Variants in LIPC observed in about 807,000 individuals in gnomAD.
LIPC encodes the protein hepatic triacylglycerol lipase.
In LIPC, 44 loss-of-function variants were observed where a neutral mutation model predicts 50.7. The observed-to-expected ratio is 0.87, with a 90% CI of 0.68 to 1.11. The LOEUF (loss-of-function observed/expected upper bound fraction) is 1.11. Among genes scored for constraint, LIPC ranks in the 50% most tolerant of loss-of-function variants. The probability of loss-of-function intolerance (pLI) is 0.00; values close to 1 mark genes in which losing one functional copy is unlikely to be tolerated. For missense variants in LIPC, 697 were observed against 648.2 expected (o/e 1.08, Z -0.82); for synonymous variants, 271 against 256.4 (o/e 1.06, Z -0.54).
Position 58,432,129 on chromosome 15 carries a change from C to G in LIPC, c.88+9C>G. On this transcript the variant is annotated intron_variant, in intron 1 of 8. Transcript: ENST00000299022. ...ACAAAGCCTGAAACCAGGTAAGAGC[C>G]TGACTTTTCTCCAGAGATGGGCATG... 6.3e-7 allele frequency: 1 copy of G among 1,596,600 alleles called. No homozygotes were observed. The highest frequency in any genetic ancestry group is 8.6e-7 in the Non-Finnish European group (1 of 1,164,142).
chr15:58,434,769 C>CGCTGCTCCAAAGAGAAGCT (rs71116564), intron 1 of LIPC: 2 of 151,832 alleles, frequency 1.3e-5, no homozygotes, highest in Non-Finnish European at 2.9e-5. Context: ...TGAGAGCCAA[C>CGCTGCTCCAAAGAGAAGCT]GCTGCTCCTA....
intron 8 of LIPC, chr15:58,566,080 T>C (rs1390008638): frequency 1.0e-6 from 1 of 977,146 alleles, no homozygotes; most frequent in African/African-American, 1.8e-5. Flanking sequence ...AAATGCAGGT[T>C]CTGCTTTAGT....
At position 58,563,714 on chromosome 15, in the gene LIPC, C is replaced by A. The variant is rs746618309; in HGVS notation, c.1379C>A (p.Thr460Asn). 1 of 1,612,810 alleles carries A rather than the reference C, an allele frequency of 6.2e-7. No individual in the cohort carries two copies. The highest frequency in any genetic ancestry group is 8.5e-7 in the Non-Finnish European group (1 of 1,179,878). Residue 460 changes from threonine (T) to asparagine (N), a missense_variant, in exon 8 of 9, where the codon ACC (threonine) becomes AAC (asparagine). Physicochemically the swap from Thr to Asn is moderately conservative, Grantham distance 65. Transcript: ENST00000299022. ...ACGATCAGAGTCAAAGCAGGAGAAA[C>A]CCAGCAAAGGTGACTGCTGATTCAA... is the stretch of plus-strand genomic sequence containing the variant. ...LKTIRVKAGE[T>N]QQRMTFCSEN...
chr15:58,535,363 T>A (rs1264025343), intron 1 of LIPC, among the ~76,000 whole-genome samples: 1 of 152,212 alleles, frequency 6.6e-6, no homozygotes, highest in Non-Finnish European at 1.5e-5. Flanking sequence ...AATGAGCACA[T>A]ACCTGTATAC....
rs1221726625 is a variant in LIPC, at chr15:58,563,645, T to A, written c.1310T>A (p.Ile437Asn). ...ANVWDTVQTI[I>N]PWSTGPRHSG... is the part of the protein sequence containing the mutation. ...GTCTGGGACACGGTCCAGACCATCA[T>A]CCCATGGAGCACAGGGCCGCGCCAC... Residue 437 changes from isoleucine to asparagine, a missense_variant, in exon 8 of 9, where the codon ATC (isoleucine) becomes AAC (asparagine). Physicochemically the swap from Ile to Asn is moderately radical, Grantham distance 149. Coordinates refer to ENST00000299022, the MANE Select transcript of LIPC (RefSeq NM_000236.3). The A allele has an allele frequency of 6.2e-7, 1 of 1,614,048 alleles. No homozygotes were observed. The highest frequency in any genetic ancestry group is 8.5e-7 in the Non-Finnish European group (1 of 1,180,044).
At chr15:58,450,519 T>C (rs1893862788) in intron 1 of LIPC, among the ~76,000 whole-genome samples, 1 of 152,232 alleles carries the variant, frequency 6.6e-6, no homozygotes, top group Non-Finnish European at 1.5e-5. Flanking sequence ...AGGAGAATTT[T>C]ATTAAGTTTC....
At chr15:58,566,026 T>C in intron 8 of LIPC, 1 of 985,110 alleles carries the variant, frequency 1.0e-6, no homozygotes, top group Non-Finnish European at 1.2e-6. Context: ...TCCCAGGGCT[T>C]CTCAAACTTT....
chr15:58,448,204 C>T (rs1186874247), intron 1 of LIPC, among the ~76,000 whole-genome samples: 3 of 152,208 alleles, frequency 2.0e-5, no homozygotes, highest in African/African-American at 7.2e-5. Flanking sequence ...ATAAATCACT[C>T]TCCTCTCACG....
chr15:58,559,952 A>T (rs1479867581), intron 6 of LIPC, among the ~76,000 whole-genome samples: 2 of 152,218 alleles, frequency 1.3e-5, no homozygotes, highest in Non-Finnish European at 2.9e-5. Context: ...AGATGCTGCT[A>T]TTTGACCTTA....
chr15:58,434,199 C>T (rs1209815327), intron 1 of LIPC, among the ~76,000 whole-genome samples: 6 of 152,210 alleles, frequency 3.9e-5, no homozygotes, highest in East Asian at 1.9e-4. Flanking sequence ...TTGTCTGGCC[C>T]AAAACATTAT....
At chr15:58,500,930 C>T (rs1408050011) in intron 1 of LIPC, among the ~76,000 whole-genome samples, 2 of 152,064 alleles carry the variant, frequency 1.3e-5, no homozygotes, top group African/African-American at 2.4e-5. Context: ...GGAAGACACA[C>T]CAGGCCATTC....
At position 58,559,383 on chromosome 15, in the gene LIPC, C is replaced by T. The variant is rs140120301; in HGVS notation, c.1052-1481C>T. 1.1e-3 allele frequency among the ~76,000 whole-genome samples: 160 copies of T among 152,284 alleles called. 3 individuals are homozygous for T. The highest frequency in any genetic ancestry group is 3.4e-3 in the African/African-American group (141 of 41,562). ...CTGTGTGCAAGGCACTGTTAGGATTCGTGGATTAACCATTGTCTAAACAGG... is the reference window on the plus strand; with the variant it reads ...CTGTGTGCAAGGCACTGTTAGGATTTGTGGATTAACCATTGTCTAAACAGG... On this transcript the variant is annotated intron_variant, in intron 6 of 8. Transcript: ENST00000299022.
intron 1 of LIPC, among the ~76,000 whole-genome samples, chr15:58,475,465 C>T (rs1890961098): frequency 6.6e-6 from 1 of 152,180 alleles, no homozygotes; most frequent in South Asian, 2.1e-4. Context: ...TGCCTCTGCC[C>T]AACACACTCC....
At chr15:58,459,466 G>C (rs1467278013) in intron 1 of LIPC, among the ~76,000 whole-genome samples, 1 of 149,568 alleles carries the variant, frequency 6.7e-6, no homozygotes, top group African/African-American at 2.5e-5. Flanking sequence ...AAAGCTAAAA[G>C]TTCATAAAAA....
At chr15:58,524,956 C>T (rs1371748006) in intron 1 of LIPC, among the ~76,000 whole-genome samples, 1 of 151,214 alleles carries the variant, frequency 6.6e-6, no homozygotes, top group East Asian at 2.0e-4. Context: ...CAATCTTTTA[C>T]AGCTTCTGAA....
chr15:58,452,027 A>C (rs1566911565), intron 1 of LIPC, among the ~76,000 whole-genome samples: 1 of 152,242 alleles, frequency 6.6e-6, no homozygotes, highest in Non-Finnish European at 1.5e-5. Context: ...CAGAGGAAGC[A>C]GATGGGTGAG....
intron 1 of LIPC, among the ~76,000 whole-genome samples, chr15:58,491,873 G>C (rs1214103173): frequency 1.4e-4 from 22 of 152,304 alleles, no homozygotes; most frequent in African/African-American, 5.3e-4. Flanking sequence ...CCTGCCACGT[G>C]ATTCCTATTG....
rs113085870 is a variant in LIPC, at chr15:58,567,265, ATG to A, written c.1389-1435_1389-1434del. 5.8e-3 allele frequency among the ~76,000 whole-genome samples: 693 copies of A among 118,544 alleles called. 16 individuals carry two copies. The highest frequency in any genetic ancestry group is 0.02 in the African/African-American group (643 of 31,732). 77.8% of individuals were successfully genotyped at this position (118,544 alleles called of 152,430 possible). A position where few individuals can be genotyped will look rare whatever the true frequency, so the allele number is the denominator to read the frequency against. ...TGTGTGTGTGTATATATATATGTAT[ATG>A]TGTGTGTGTGTGTGTATATATATAT... On this transcript the variant is annotated intron_variant, in intron 8 of 8. Transcript: ENST00000299022.
chr15:58,504,575 C>G (rs1469504060), intron 1 of LIPC, among the ~76,000 whole-genome samples: 1 of 152,192 alleles, frequency 6.6e-6, no homozygotes, highest in African/African-American at 2.4e-5. Flanking sequence ...CAGCCTGAGG[C>G]CCAGCATCGA....
Sources: allele counts gnomAD v4.1 joint callset (sites outside exome capture counted in the v4.1 genomes callset), GRCh38; gene constraint gnomAD v4.1.1; transcripts MANE v1.5; gene names NCBI Gene and HGNC (gene_info 2026-07-23, HGNC 2026-07-21).